PABPC4L: variants seen among roughly 807,000 people sequenced by gnomAD.
PABPC4L encodes the protein polyadenylate-binding protein 4-like.
For synonymous variants in PABPC4L, 169 were observed against 164.1 expected, an observed-to-expected ratio of 1.03 and a Z score of -0.23; for missense variants, 452 against 451.4, an observed-to-expected ratio of 1.00 and a Z score of -0.01.
At chr4:134,011,630 T>C in the PABPC4L span, among the ~76,000 whole-genome samples, 1 of 152,106 alleles carries the variant, frequency 6.6e-6, no homozygotes, top group Non-Finnish European at 1.5e-5. Flanking sequence ...TTTTATTCTC[T>C]CTTTTTTTGC....
At chr4:134,131,596 T>G in the PABPC4L span, among the ~76,000 whole-genome samples, 1 of 151,020 alleles carries the variant, frequency 6.6e-6, no homozygotes, top group Admixed American at 6.6e-5. Context: ...GTAGAATCAA[T>G]ATTGTGAAAA....
At chr4:134,061,536 G>T in the PABPC4L span, among the ~76,000 whole-genome samples, 1 of 151,368 alleles carries the variant, frequency 6.6e-6, no homozygotes, top group Non-Finnish European at 1.5e-5. Context: ...GAATAAAGAG[G>T]GGAAATGTCC....
chr4:134,084,087 T>A, the PABPC4L span, among the ~76,000 whole-genome samples: 1 of 152,154 alleles, frequency 6.6e-6, no homozygotes, highest in Non-Finnish European at 1.5e-5. Flanking sequence ...CTTGCTCTGC[T>A]GTCCAGGCTA....
chr4:133,994,491 G>A, the PABPC4L span, among the ~76,000 whole-genome samples: 3 of 152,138 alleles, frequency 2.0e-5, no homozygotes, highest in East Asian at 1.9e-4. Context: ...CATGTTAGGG[G>A]ATGCGTGCTT....
chr4:134,029,348 T>C, the PABPC4L span, among the ~76,000 whole-genome samples: 1 of 151,934 alleles, frequency 6.6e-6, no homozygotes, highest in Non-Finnish European at 1.5e-5. Context: ...GGGGTGAGCA[T>C]CAAACAATGG....
chr4:134,129,741 T>TA, the PABPC4L span, among the ~76,000 whole-genome samples: 9 of 151,952 alleles, frequency 5.9e-5, no homozygotes, highest in African/African-American at 2.2e-4. Context: ...AAAGTGGTGC[T>TA]AAGAGGAAAG....
the PABPC4L span, among the ~76,000 whole-genome samples, chr4:134,054,252 G>GTATATATATA: frequency 3.3e-4 from 31 of 93,770 alleles, 1 homozygote; most frequent in South Asian, 1.2e-3. Context: ...AGTTGTATAT[G>GTATATATATA]TATATATATA....
chr4:134,167,286 G>A, the PABPC4L span, among the ~76,000 whole-genome samples: 1 of 152,000 alleles, frequency 6.6e-6, no homozygotes, highest in Non-Finnish European at 1.5e-5. Flanking sequence ...TGATACTGGG[G>A]GAGCCTGTGT....
chr4:134,081,497 A>C, the PABPC4L span, among the ~76,000 whole-genome samples: 1 of 152,142 alleles, frequency 6.6e-6, no homozygotes, highest in Admixed American at 6.5e-5. Flanking sequence ...GCAATGAAGT[A>C]AGATTATGGA....
the PABPC4L span, among the ~76,000 whole-genome samples, chr4:134,031,950 T>C: frequency 6.6e-6 from 1 of 151,934 alleles, no homozygotes; most frequent in Admixed American, 6.6e-5. Flanking sequence ...AATAGATCAA[T>C]TTTTGAAGAG....
chr4:134,046,170 T>A, the PABPC4L span, among the ~76,000 whole-genome samples: 1 of 152,088 alleles, frequency 6.6e-6, no homozygotes, highest in Non-Finnish European at 1.5e-5. Flanking sequence ...ATTTATTGAT[T>A]ACTATTTTCA....
the PABPC4L span, among the ~76,000 whole-genome samples, chr4:133,958,575 C>G: frequency 6.6e-6 from 1 of 152,110 alleles, no homozygotes; most frequent in South Asian, 2.1e-4. Context: ...TGAAGAAATA[C>G]CCAAGACTGG....
the PABPC4L span, among the ~76,000 whole-genome samples, chr4:134,075,833 G>T: frequency 1.3e-5 from 2 of 151,936 alleles, no homozygotes; most frequent in South Asian, 2.1e-4. Context: ...GTCCTCGTGG[G>T]TACTCCTGGA....
chr4:134,175,270 G>A, the PABPC4L span, among the ~76,000 whole-genome samples: 4 of 152,120 alleles, frequency 2.6e-5, no homozygotes, highest in Non-Finnish European at 5.9e-5. Flanking sequence ...GTTGTGAGAT[G>A]TCTACAGAAA....
At chr4:134,152,699 C>T in the PABPC4L span, among the ~76,000 whole-genome samples, 1 of 152,192 alleles carries the variant, frequency 6.6e-6, no homozygotes, top group Non-Finnish European at 1.5e-5. Context: ...TTTACACCAT[C>T]CCTCCTTTGG....
the PABPC4L span, among the ~76,000 whole-genome samples, chr4:133,950,907 C>G: frequency 6.0e-3 from 907 of 152,180 alleles, 24 homozygotes; most frequent in East Asian, 0.056. Flanking sequence ...TTTATTAGGC[C>G]CTACTCTGTC....
At chr4:134,172,474 C>T in the PABPC4L span, among the ~76,000 whole-genome samples, 4 of 152,074 alleles carry the variant, frequency 2.6e-5, no homozygotes, top group Non-Finnish European at 5.9e-5. Context: ...AAGATTGAAC[C>T]TTGACTGCTT....
the PABPC4L span, among the ~76,000 whole-genome samples, chr4:133,981,116 G>A: frequency 5.9e-5 from 9 of 151,796 alleles, no homozygotes; most frequent in East Asian, 5.8e-4. Flanking sequence ...AGTGGAGATC[G>A]TGCCATTGCA....
At chr4:134,021,463 C>T in the PABPC4L span, among the ~76,000 whole-genome samples, 1 of 152,050 alleles carries the variant, frequency 6.6e-6, no homozygotes, top group Non-Finnish European at 1.5e-5. Flanking sequence ...TGCACTAGTT[C>T]CCATAGTGTC....
Sources: gnomAD v4.1 joint callset for allele counts (sites outside exome capture counted in the v4.1 genomes callset) on GRCh38, gnomAD v4.1.1 for gene constraint, MANE v1.5 for transcripts, NCBI Gene and HGNC (gene_info 2026-07-23, HGNC 2026-07-21) for gene names.